BTG1: variants seen among roughly 807,000 people sequenced by gnomAD.
The protein encoded by BTG1 is protein BTG1.
A neutral mutation model predicts 15.2 loss-of-function variants in BTG1; 2 were observed. The ratio of observed to expected loss-of-function variants is 0.13; its 90% confidence interval spans 0.05 to 0.41. The LOEUF (loss-of-function observed/expected upper bound fraction) is 0.41. Among genes scored for constraint, BTG1 ranks in the 10% least tolerant of loss-of-function variants. The pLI is 0.99. For missense variants in BTG1, 149 were observed against 215.0 expected, an observed-to-expected ratio of 0.69 and a Z score of 1.92; for synonymous variants, 109 against 82.4, an observed-to-expected ratio of 1.32 and a Z score of -1.75.
Position 92,144,134 on chromosome 12 carries a change from GAGA to G in BTG1, c.459_461del (p.Leu155del). On this transcript the variant is annotated inframe_deletion, in exon 2 of 2. Transcript: ENST00000256015. Reference sequence around the variant, plus strand: ...TTTTGGAAGGGCTCGTTCTGCCCAAGAGAAGTTCCTCCTTACAGCTGATTCGGC... The same window carrying G: ...TTTTGGAAGGGCTCGTTCTGCCCAAGAGTTCCTCCTTACAGCTGATTCGGC... 8 of 1,613,806 alleles carry G rather than the reference GAGA, an allele frequency of 5.0e-6. No homozygotes were observed. The highest frequency in any genetic ancestry group is 6.8e-6 in the Non-Finnish European group (8 of 1,180,008).
rs2136946018 is a variant in BTG1, at chr12:92,142,423, A to C, written c.*1657T>G. 4.3e-6 allele frequency: 1 copy of C among 231,422 alleles called. No homozygotes were observed. The highest frequency in any genetic ancestry group is 8.5e-6 in the Non-Finnish European group (1 of 116,978). The allele number at this position is 231,422 out of a possible 1,614,324, so 14.3% of individuals were successfully genotyped here. The stretch of plus-strand genomic sequence containing the variant: ...TTCCACTTTCAATTTCCACTGAAAA[A>C]CGCTGTTATCCTCTACAACTAAACA... On this transcript the variant is annotated 3_prime_UTR_variant, in exon 2 of 2. Transcript: ENST00000256015.
In BTG1 at chr12:92,144,386, A is replaced by G; in HGVS notation, c.210T>C (p.Ile70=). 6.2e-7 allele frequency: 1 copy of G among 1,614,240 alleles called. No individual in the cohort carries two copies. The highest frequency in any genetic ancestry group is 8.5e-7 in the Non-Finnish European group (1 of 1,180,038). Residue 70 remains isoleucine, a synonymous_variant, in exon 2 of 2, where the codon ATT becomes ATC. Coordinates refer to ENST00000256015, the MANE Select transcript of BTG1 (RefSeq NM_001731.3). Reference sequence around the variant, plus strand: ...GAGGATCCATTTTATGGTTGATGCGAATACAACGGTAACCCGATCCCTTGC... The same window carrying G: ...GAGGATCCATTTTATGGTTGATGCGGATACAACGGTAACCCGATCCCTTGC... ...KPCKGSGYRC[I]RINHKMDPLI...
intron 1 of BTG1, 78 bp from the exon 2 acceptor site, chr12:92,144,525 C>A: frequency 6.4e-7 from 1 of 1,561,126 alleles, no homozygotes; most frequent in Non-Finnish European, 8.6e-7. Context: ...ACCCCAGGCT[C>A]CTTTGAGGAG....
chr12:92,145,423 T>C lies in BTG1; in HGVS notation c.113A>G (p.Gln38Arg). ...TKGLTSERQL[Q>R]TFSQSLQELL... ...CTCCTGCAGGCTCTGGCTGAAGGTC[T>C]GCAGCTGTCGCTCGCTCGTGAGCCC... The change falls in exon 1 of 2, where the codon CAG becomes CGG. Residue 38 changes from glutamine to arginine, a missense_variant. Gln to Arg is a conservative substitution (Grantham distance 43). Transcript: ENST00000256015. The C allele has an allele frequency of 1.9e-6, 3 of 1,591,416 alleles. No individual in the cohort carries two copies. Among genetic ancestry groups the C allele is most frequent in the Non-Finnish European group, 2.6e-6 (3 of 1,170,346 alleles).
chr12:92,145,825 G>A lies in BTG1; in HGVS notation c.-290C>T, dbSNP rs556394268. The A allele has an allele frequency of 6.6e-5, 16 of 243,962 alleles. 1 individual carries two copies. The East Asian group carries it at 7.2e-4, about 11-fold the overall frequency. The allele number at this position is 243,962 out of a possible 1,614,324, so 15.1% of individuals were successfully genotyped here. ...GCAGCATTCGAAGATCTCAATAGCT[G>A]CATTTCCAGCTCCGAGAGGCGAAGA... On this transcript the variant is annotated 5_prime_UTR_variant, in exon 1 of 2. It introduces an in-frame stop codon into an upstream open reading frame of the 5' UTR. Transcript: ENST00000256015.
At chr12:92,144,701 C>G (rs1410058473) in intron 1 of BTG1, among the ~76,000 whole-genome samples, 1 of 152,182 alleles carries the variant, frequency 6.6e-6, no homozygotes, top group African/African-American at 2.4e-5. Context: ...GAATCAGGCG[C>G]GCAGCCTCGG....
chr12:92,143,205 T>C lies in BTG1; in HGVS notation c.*875A>G, dbSNP rs551177114. The C allele has an allele frequency of 4.3e-6, 1 of 233,016 alleles. No individual in the cohort carries two copies. The highest frequency in any genetic ancestry group is 1.8e-4 in the South Asian group (1 of 5,524). The allele number at this position is 233,016 out of a possible 1,614,324, so 14.4% of individuals were successfully genotyped here. A position where few individuals can be genotyped will look rare whatever the true frequency, so the allele number is the denominator to read the frequency against. ...CAAAATATAGAAATCTGTACAACTT[T>C]GCCACAATCAATATACATGAACTGT... On this transcript the variant is annotated 3_prime_UTR_variant, in exon 2 of 2. Coordinates refer to ENST00000256015, the MANE Select transcript of BTG1 (RefSeq NM_001731.3).
In BTG1 at chr12:92,145,629, A is replaced by G; in HGVS notation, c.-94T>C. 2 of 927,132 alleles carry G rather than the reference A, an allele frequency of 2.2e-6. No individual in the cohort carries two copies. Among genetic ancestry groups the G allele is most frequent in the Non-Finnish European group, 2.9e-6 (2 of 699,680 alleles). The allele number at this position is 927,132 out of a possible 1,614,324, so 57.4% of individuals were successfully genotyped here. A position where few individuals can be genotyped will look rare whatever the true frequency, so the allele number is the denominator to read the frequency against. On this transcript the variant is annotated 5_prime_UTR_variant, in exon 1 of 2. Transcript: ENST00000256015. ...CACCCCGGGCTTCCTCACCGGGCGG[A>G]AGGCTGAGAGGAAGAGAGGGCGTGA...
rs557525075 is a variant in BTG1, at chr12:92,143,552, C to G, written c.*528G>C. The G allele has an allele frequency of 4.3e-6, 1 of 235,222 alleles. No individual in the cohort carries two copies. The highest frequency in any genetic ancestry group is 2.2e-5 in the African/African-American group (1 of 45,440). The allele number at this position is 235,222 out of a possible 1,614,324, so 14.6% of individuals were successfully genotyped here. A position where few individuals can be genotyped will look rare whatever the true frequency, so the allele number is the denominator to read the frequency against. ...CACAATACAAGGTCTGACCATTTCC[C>G]CAGGTCATGCTTACTAGTTTGTCTT... On this transcript the variant is annotated 3_prime_UTR_variant, in exon 2 of 2. Transcript: ENST00000256015.
chr12:92,142,111 T>A lies in BTG1; in HGVS notation c.*1969A>T, dbSNP rs914208007. 2 of 232,074 alleles carry A rather than the reference T, an allele frequency of 8.6e-6. No homozygotes were observed. The highest frequency in any genetic ancestry group is 1.1e-4 in the Admixed American group (2 of 17,764). The allele number at this position is 232,074 out of a possible 1,614,324, so 14.4% of individuals were successfully genotyped here. A position where few individuals can be genotyped will look rare whatever the true frequency, so the allele number is the denominator to read the frequency against. On this transcript the variant is annotated 3_prime_UTR_variant, in exon 2 of 2. Coordinates refer to ENST00000256015, the MANE Select transcript of BTG1 (RefSeq NM_001731.3). ...TAACAATTGGCAAGGGTAGTCCATG[T>A]GTTGCGGGTCTACGAATTCTAACTC...
chr12:92,144,571 G>C, intron 1 of BTG1, 124 bp from the exon 2 acceptor site: 5 of 1,312,490 alleles, frequency 3.8e-6, no homozygotes, highest in Non-Finnish European at 5.2e-6. Flanking sequence ...AAAATGTCCA[G>C]GATTGCATCC....
At position 92,143,126 on chromosome 12, in the gene BTG1, T is replaced by C. The variant is rs867735009; in HGVS notation, c.*954A>G. 4 of 232,794 alleles carry C rather than the reference T, an allele frequency of 1.7e-5. No homozygotes were observed. Among genetic ancestry groups the C allele is most frequent in the Non-Finnish European group, 2.5e-5 (3 of 117,750 alleles). The allele number at this position is 232,794 out of a possible 1,614,324, so 14.4% of individuals were successfully genotyped here. On this transcript the variant is annotated 3_prime_UTR_variant, in exon 2 of 2. Coordinates refer to ENST00000256015, the MANE Select transcript of BTG1 (RefSeq NM_001731.3). ...TCTATAATCATGACAAGAGATTGAT[T>C]AAAATGCCAAGATAAGAAACGATTT... is the stretch of plus-strand genomic sequence containing the variant.
rs766772019 is a variant in BTG1, at chr12:92,145,441, G to A, written c.95C>T (p.Thr32Met). Residue 32 changes from threonine (T) to methionine (M), a missense_variant, in exon 1 of 2, where the codon ACG becomes ATG. Physicochemically the swap from Thr to Met is moderately conservative, Grantham distance 81. Coordinates refer to ENST00000256015, the MANE Select transcript of BTG1 (RefSeq NM_001731.3). ...ISKFLRTKGLTSERQLQTFSQ... is the reference protein window; with the variant it reads ...ISKFLRTKGLMSERQLQTFSQ... ...GAAGGTCTGCAGCTGTCGCTCGCTC[G>A]TGAGCCCCTTGGTGCGGAGAAACTT... 8 of 1,592,718 alleles carry A rather than the reference G, an allele frequency of 5.0e-6. No homozygotes were observed. In the African/African-American group the frequency reaches 9.7e-5, roughly 19 times the overall value.
Position 92,142,723 on chromosome 12 carries a change from G to GC in BTG1, c.*1356dup. The stretch of plus-strand genomic sequence containing the variant: ...TGTTCTTTAAGACTATGGGTCACCT[G>GC]CCCCGGGGAAATTTCTAATTGAACA... On this transcript the variant is annotated 3_prime_UTR_variant, in exon 2 of 2. Transcript: ENST00000256015. 4.3e-6 allele frequency: 1 copy of GC among 233,078 alleles called. No homozygotes were observed. The highest frequency in any genetic ancestry group is 8.5e-6 in the Non-Finnish European group (1 of 117,970). 14.4% of individuals were successfully genotyped at this position (233,078 alleles called of 1,614,324 possible).
At position 92,140,287 on chromosome 12, in the gene BTG1, A is replaced by C. The variant is rs1297064637; in HGVS notation, c.*3793T>G. 2 of 193,156 alleles carry C rather than the reference A, an allele frequency of 1.0e-5. No individual in the cohort carries two copies. Among genetic ancestry groups the C allele is most frequent in the Non-Finnish European group, 2.2e-5 (2 of 92,676 alleles). The allele number at this position is 193,156 out of a possible 1,614,324, so 12.0% of individuals were successfully genotyped here. On this transcript the variant is annotated 3_prime_UTR_variant, in exon 2 of 2. Coordinates refer to ENST00000256015, the MANE Select transcript of BTG1 (RefSeq NM_001731.3). ...AAATAACAGTCAGAAGTTGAACTACATTTTTTTATTCCTATCTTGGACATA... is the reference window on the plus strand; with the variant it reads ...AAATAACAGTCAGAAGTTGAACTACCTTTTTTTATTCCTATCTTGGACATA...
Position 92,145,836 on chromosome 12 carries a change from TC to T in BTG1, c.-302del, listed in dbSNP as rs1870560534. The stretch of plus-strand genomic sequence containing the variant: ...AGATCTCAATAGCTGCATTTCCAGC[TC>T]CGAGAGGCGAAGAGATGCAAGCGCC... On this transcript the variant is annotated 5_prime_UTR_variant, in exon 1 of 2. Coordinates refer to ENST00000256015, the MANE Select transcript of BTG1 (RefSeq NM_001731.3). 2 of 237,470 alleles carry T rather than the reference TC, an allele frequency of 8.4e-6. No homozygotes were observed. The highest frequency in any genetic ancestry group is 1.6e-5 in the Non-Finnish European group (2 of 121,890). 14.7% of individuals were successfully genotyped at this position (237,470 alleles called of 1,614,324 possible). A position where few individuals can be genotyped will look rare whatever the true frequency, so the allele number is the denominator to read the frequency against.
In BTG1 at chr12:92,141,785, C is replaced by T. The variant is rs1870242857; in HGVS notation, c.*2295G>A. ...ACAGCTCCTCACAAGCCAGACATCACCTGAATTCTAAAATAAACATTTTTA... is the reference window on the plus strand; with the variant it reads ...ACAGCTCCTCACAAGCCAGACATCATCTGAATTCTAAAATAAACATTTTTA... On this transcript the variant is annotated 3_prime_UTR_variant, in exon 2 of 2. Coordinates refer to ENST00000256015, the MANE Select transcript of BTG1 (RefSeq NM_001731.3). The T allele has an allele frequency of 4.3e-6, 1 of 232,330 alleles. No individual in the cohort carries two copies. The highest frequency in any genetic ancestry group is 1.8e-4 in the South Asian group (1 of 5,508). 14.4% of individuals were successfully genotyped at this position (232,330 alleles called of 1,614,324 possible).
chr12:92,144,311 G>A lies in BTG1; in HGVS notation c.285C>T (p.Phe95=), dbSNP rs1397543147. ...GTGTGAGTTCACTTGGGAGAAGCCT[G>A]AACAGCTCCTGACTGCTCAGTCCAA... ...QRIGLSSQEL[F]RLLPSELTLW... The change falls in exon 2 of 2, where the codon TTC becomes TTT. Residue 95 remains phenylalanine, a synonymous_variant. Transcript: ENST00000256015. The A allele has an allele frequency of 6.2e-7, 1 of 1,614,112 alleles. No homozygotes were observed. Among genetic ancestry groups the A allele is most frequent in the Non-Finnish European group, 8.5e-7 (1 of 1,180,040 alleles).
chr12:92,144,155 G>A lies in BTG1; in HGVS notation c.441C>T (p.Ile147=). ...STNVQMVDSR[I]SCKEELLLGR... ...CCAAGAGAAGTTCCTCCTTACAGCT[G>A]ATTCGGCTGTCTACCATTTGCACGT... Residue 147 remains isoleucine, a synonymous_variant, in exon 2 of 2, where the codon ATC becomes ATT. Coordinates refer to ENST00000256015, the MANE Select transcript of BTG1 (RefSeq NM_001731.3). The A allele has an allele frequency of 6.2e-7, 1 of 1,614,114 alleles. No homozygotes were observed. Among genetic ancestry groups the A allele is most frequent in the Non-Finnish European group, 8.5e-7 (1 of 1,180,018 alleles).
Sources: gnomAD v4.1 joint callset for allele counts (sites outside exome capture counted in the v4.1 genomes callset) on GRCh38, gnomAD v4.1.1 for gene constraint, MANE v1.5 for transcripts, NCBI Gene and HGNC (gene_info 2026-07-23, HGNC 2026-07-21) for gene names.